The following BABAM2 variants were observed in gnomAD, a reference collection of about 807,000 sequenced individuals.
BABAM2 encodes the protein BRISC and BRCA1-A complex member 2.
BABAM2 carries 31 observed loss-of-function variants against 54.7 expected under a neutral mutation model. That is an observed-to-expected ratio of 0.57 (90% CI 0.43 to 0.77). The LOEUF is 0.77. Ranked by LOEUF, BABAM2 falls within the 30% of genes least tolerant of loss-of-function variation. The probability of loss-of-function intolerance (pLI) is 0.00; values close to 1 mark genes in which losing one functional copy is unlikely to be tolerated. For missense variants in BABAM2, 364 were observed against 455.8 expected, an observed-to-expected ratio of 0.80 and a Z score of 1.83; for synonymous variants, 167 against 162.9, an observed-to-expected ratio of 1.03 and a Z score of -0.19.
intron 11 of BABAM2, among the ~76,000 whole-genome samples, chr2:28,332,033 A>G (rs1691002077): frequency 6.6e-6 from 1 of 152,234 alleles, no homozygotes; most frequent in Admixed American, 6.5e-5. Flanking sequence ...ATGGAGCTAT[A>G]AGCCATTATC....
At chr2:28,016,349 T>C in intron 4 of BABAM2, 1 of 1,264,484 alleles carries the variant, frequency 7.9e-7, no homozygotes, top group Non-Finnish European at 1.2e-6. Flanking sequence ...TAGTTGCTCT[T>C]TTACTTCTTC....
chr2:27,998,329 G>T (rs974412324), intron 4 of BABAM2, among the ~76,000 whole-genome samples: 9 of 151,632 alleles, frequency 5.9e-5, no homozygotes, highest in African/African-American at 2.2e-4. Flanking sequence ...ATTATTATTA[G>T]CATTCGAAAT....
intron 10 of BABAM2, among the ~76,000 whole-genome samples, chr2:28,253,946 T>C (rs1164858951): frequency 6.6e-6 from 1 of 152,146 alleles, no homozygotes; most frequent in African/African-American, 2.4e-5. Context: ...TTTTTGGCCA[T>C]TGAAAGAACA....
At chr2:28,124,060 C>T (rs1436021460) in intron 6 of BABAM2, among the ~76,000 whole-genome samples, 1 of 152,180 alleles carries the variant, frequency 6.6e-6, no homozygotes, top group South Asian at 2.1e-4. Context: ...TGGTTCTTTG[C>T]AGTGTGTTTT....
At chr2:27,953,966 C>T (rs747970392) in intron 3 of BABAM2, among the ~76,000 whole-genome samples, 8 of 152,152 alleles carry the variant, frequency 5.3e-5, no homozygotes, top group Non-Finnish European at 1.0e-4. Context: ...AAACAAAATT[C>T]GTATCCAGTC....
At chr2:28,136,707 C>T (rs924924971) in intron 7 of BABAM2, among the ~76,000 whole-genome samples, 9 of 152,094 alleles carry the variant, frequency 5.9e-5, no homozygotes, top group Non-Finnish European at 7.3e-5. Context: ...CTAATATAGT[C>T]CTGTTGGCGT....
intron 10 of BABAM2, among the ~76,000 whole-genome samples, chr2:28,290,190 A>T (rs189901256): frequency 6.6e-6 from 1 of 152,188 alleles, no homozygotes; most frequent in Non-Finnish European, 1.5e-5. Flanking sequence ...GCTGTAAGGT[A>T]TTCCTGTGAA....
intron 10 of BABAM2, among the ~76,000 whole-genome samples, chr2:28,268,889 C>T (rs1423886341): frequency 6.6e-6 from 1 of 152,226 alleles, no homozygotes; most frequent in African/African-American, 2.4e-5. Flanking sequence ...GATTATTTGT[C>T]TGCGGAGAAA....
chr2:28,194,706 A>G (rs1354615701), intron 7 of BABAM2, among the ~76,000 whole-genome samples: 1 of 149,842 alleles, frequency 6.7e-6, no homozygotes, highest in African/African-American at 2.5e-5. Flanking sequence ...AATTACAGGC[A>G]CGTACCACCA....
intron 6 of BABAM2, among the ~76,000 whole-genome samples, chr2:28,119,143 G>C (rs1404884965): frequency 6.6e-6 from 1 of 152,102 alleles, no homozygotes; most frequent in Non-Finnish European, 1.5e-5. Context: ...GTATAGGTTG[G>C]AGTCACGTAG....
intron 7 of BABAM2, among the ~76,000 whole-genome samples, chr2:28,207,529 C>T (rs1678998362): frequency 6.6e-6 from 1 of 152,052 alleles, no homozygotes; most frequent in Non-Finnish European, 1.5e-5. Context: ...TGGATGACAG[C>T]AAGACCCTGT....
At chr2:27,931,185 T>C (rs1668065342) in intron 3 of BABAM2, among the ~76,000 whole-genome samples, 1 of 152,238 alleles carries the variant, frequency 6.6e-6, no homozygotes, top group Non-Finnish European at 1.5e-5. Flanking sequence ...TAATTTTACC[T>C]GTCTGAAGTA....
chr2:28,264,399 T>C (rs1684801587), intron 10 of BABAM2, among the ~76,000 whole-genome samples: 2 of 152,242 alleles, frequency 1.3e-5, no homozygotes, highest in Admixed American at 1.3e-4. Flanking sequence ...TTTATTTGGC[T>C]ATATGCTTGG....
At chr2:28,104,145 G>A (rs1368058693) in intron 6 of BABAM2, among the ~76,000 whole-genome samples, 1 of 152,188 alleles carries the variant, frequency 6.6e-6, no homozygotes, top group Admixed American at 6.5e-5. Context: ...AGGACTTCAT[G>A]ACTAAAACAC....
At chr2:28,150,529 G>A (rs951344980) in intron 7 of BABAM2, among the ~76,000 whole-genome samples, 1 of 152,214 alleles carries the variant, frequency 6.6e-6, no homozygotes, top group Admixed American at 6.5e-5. Flanking sequence ...GTTTGAACTT[G>A]TAACTAAGTG....
At chr2:27,975,889 T>C (rs1671568742) in intron 3 of BABAM2, among the ~76,000 whole-genome samples, 1 of 151,908 alleles carries the variant, frequency 6.6e-6, no homozygotes, top group Admixed American at 6.6e-5. Flanking sequence ...GGGGAACAGA[T>C]CTGAACAGAT....
chr2:28,126,278 T>A (rs12992500), intron 6 of BABAM2, among the ~76,000 whole-genome samples: 3 of 142,300 alleles, frequency 2.1e-5, no homozygotes, highest in Admixed American at 7.0e-5. Flanking sequence ...TATCTCCTAA[T>A]GCTATCCCTC....
rs982275345 is a variant in BABAM2, at chr2:28,338,333, A to G, written c.1089-117A>G. On this transcript the variant is annotated intron_variant, in intron 11 of 11. Transcript: ENST00000379624. ...CAGCAGAGAAGGCAAATCCAACCCAAGATGCATGAACAATAAATAACAACT... is the reference window on the plus strand; with the variant it reads ...CAGCAGAGAAGGCAAATCCAACCCAGGATGCATGAACAATAAATAACAACT... 9.4e-6 allele frequency: 9 copies of G among 960,202 alleles called. No individual in the cohort carries two copies. In the East Asian group the frequency reaches 2.0e-4, roughly 21 times the overall value. The allele number at this position is 960,202 out of a possible 1,614,324, so 59.5% of individuals were successfully genotyped here.
chr2:28,044,251 C>T (rs895010799), intron 5 of BABAM2, among the ~76,000 whole-genome samples: 4 of 152,118 alleles, frequency 2.6e-5, no homozygotes, highest in East Asian at 1.9e-4. Context: ...TTTTTTGAGA[C>T]GGAGTTTCGC....
Sources: gnomAD v4.1 joint callset for allele counts (sites outside exome capture counted in the v4.1 genomes callset) on GRCh38, gnomAD v4.1.1 for gene constraint, MANE v1.5 for transcripts, NCBI Gene and HGNC (gene_info 2026-07-23, HGNC 2026-07-21) for gene names.